SLC35F4: variants seen among roughly 807,000 people sequenced by gnomAD.
The protein encoded by SLC35F4 is chromosome 14 open reading frame 36.
SLC35F4 carries 24 observed loss-of-function variants against 44.2 expected under a neutral mutation model. The ratio of observed to expected loss-of-function variants is 0.54; its 90% CI spans 0.39 to 0.76. SLC35F4 has a LOEUF of 0.76. Ranked by LOEUF, SLC35F4 falls within the 30% of genes least tolerant of loss-of-function variation. SLC35F4 has a pLI of 0.00. For missense variants in SLC35F4, 562 were observed against 586.1 expected, an observed-to-expected ratio of 0.96 and a Z score of 0.42; for synonymous variants, 238 against 223.6, an observed-to-expected ratio of 1.06 and a Z score of -0.57.
chr14:57,568,273 C>T (rs1220083101), intron 6 of SLC35F4, among the ~76,000 whole-genome samples: 4 of 152,208 alleles, frequency 2.6e-5, no homozygotes, highest in Admixed American at 2.6e-4. Flanking sequence ...CGTCCAGCCT[C>T]TGCAGGCTTG....
rs756651398 is a variant in SLC35F4 at position 57,589,517 on chromosome 14, G to A, written c.290-4C>T. On this transcript the variant is annotated splice_region_variant and splice_polypyrimidine_tract_variant and intron_variant, in intron 2 of 7. Transcript: ENST00000556826. Reference sequence around the variant, plus strand: ...TGAGTCTGTGTCCCATCGTCTGCTGGAAACAGGAAAGGAATACAAATGTGA... The same window carrying A: ...TGAGTCTGTGTCCCATCGTCTGCTGAAAACAGGAAAGGAATACAAATGTGA... The A allele has an allele frequency of 1.3e-6, 2 of 1,596,236 alleles. No homozygotes were observed. Among genetic ancestry groups the A allele is most frequent in the Admixed American group, 3.5e-5 (2 of 57,168 alleles).
chr14:57,881,466 T>C (rs1237003129), intron 1 of SLC35F4, among the ~76,000 whole-genome samples: 1 of 152,180 alleles, frequency 6.6e-6, no homozygotes, highest in Admixed American at 6.5e-5. Flanking sequence ...ATAGTTGAAA[T>C]ATCTGTTGTG....
chr14:57,669,130 T>C (rs1448036059), intron 1 of SLC35F4, among the ~76,000 whole-genome samples: 1 of 152,114 alleles, frequency 6.6e-6, no homozygotes, highest in Non-Finnish European at 1.5e-5. Context: ...GGCTCTCTGT[T>C]TGTCTGTTAT....
At chr14:57,606,253 CTCTT>C (rs76244584) in intron 1 of SLC35F4, among the ~76,000 whole-genome samples, 106,856 of 151,778 alleles carry the variant, frequency 0.7, 38,434 homozygotes, top group Middle Eastern at 0.8. Context: ...GAATAAACAT[CTCTT>C]TCTTTTAGGT....
intron 1 of SLC35F4, among the ~76,000 whole-genome samples, chr14:57,875,395 C>T (rs1455040006): frequency 6.6e-6 from 1 of 152,204 alleles, no homozygotes; most frequent in Non-Finnish European, 1.5e-5. Flanking sequence ...TTACTGCATA[C>T]CAAACAACTC....
intron 1 of SLC35F4, among the ~76,000 whole-genome samples, chr14:57,766,934 T>G (rs2077248895): frequency 6.6e-6 from 1 of 152,170 alleles, no homozygotes; most frequent in Non-Finnish European, 1.5e-5. Context: ...AGAAATTCAC[T>G]TCGAATTCTA....
chr14:57,596,641 G>A (rs2070502125), intron 1 of SLC35F4: 1 of 558,620 alleles, frequency 1.8e-6, no homozygotes, highest in African/African-American at 1.9e-5. Context: ...AATAGGCTGG[G>A]TAGCAAGTTG....
chr14:57,733,791 T>C (rs962332322), intron 1 of SLC35F4, among the ~76,000 whole-genome samples: 1 of 151,978 alleles, frequency 6.6e-6, no homozygotes, highest in African/African-American at 2.4e-5. Context: ...AGGCATGTTA[T>C]AGCCTAGGAA....
chr14:57,858,112 G>C (rs1196169702), intron 1 of SLC35F4, among the ~76,000 whole-genome samples: 1 of 152,012 alleles, frequency 6.6e-6, no homozygotes, highest in Non-Finnish European at 1.5e-5. Flanking sequence ...CATTGTGGGA[G>C]ACAGTGTGGT....
chr14:57,710,942 A>G (rs1472223596), intron 1 of SLC35F4, among the ~76,000 whole-genome samples: 1 of 152,076 alleles, frequency 6.6e-6, no homozygotes, highest in African/African-American at 2.4e-5. Flanking sequence ...TGCTGGAATG[A>G]GTTAAGACTT....
intron 1 of SLC35F4, among the ~76,000 whole-genome samples, chr14:57,895,706 T>G (rs1888856970): frequency 6.6e-6 from 1 of 152,086 alleles, no homozygotes; most frequent in African/African-American, 2.4e-5. Flanking sequence ...CTCCCAGTCA[T>G]GCTTTCTGTT....
At chr14:57,929,377 G>C (rs1555402211) in intron 1 of SLC35F4, among the ~76,000 whole-genome samples, 1 of 151,750 alleles carries the variant, frequency 6.6e-6, no homozygotes, top group Non-Finnish European at 1.5e-5. Context: ...AAATGTTTGG[G>C]AAAACCCAAA....
At chr14:57,667,210 G>C (rs2074340417) in intron 1 of SLC35F4, among the ~76,000 whole-genome samples, 1 of 145,530 alleles carries the variant, frequency 6.9e-6, no homozygotes, top group South Asian at 2.4e-4. Flanking sequence ...GAGGGAAGGG[G>C]AGGGAGGGAA....
chr14:57,891,385 G>A (rs546208910), intron 1 of SLC35F4, among the ~76,000 whole-genome samples: 5 of 152,122 alleles, frequency 3.3e-5, no homozygotes, highest in Non-Finnish European at 7.4e-5. Flanking sequence ...GGGCTCAGTG[G>A]TGTGTGCCTG....
intron 1 of SLC35F4, among the ~76,000 whole-genome samples, chr14:57,929,444 G>C (rs866918311): frequency 6.6e-6 from 1 of 151,898 alleles, no homozygotes; most frequent in African/African-American, 2.4e-5. Context: ...CTTAGAGCGG[G>C]AGAGAACTTG....
At chr14:57,811,595 G>A (rs571585982) in intron 1 of SLC35F4, among the ~76,000 whole-genome samples, 23 of 152,266 alleles carry the variant, frequency 1.5e-4, no homozygotes, top group African/African-American at 5.1e-4. Flanking sequence ...AAAGAGAAAA[G>A]GAAGATGTGA....
chr14:57,870,891 G>C (rs1888285012), upstream of SLC35F4, among the ~76,000 whole-genome samples: 1 of 152,196 alleles, frequency 6.6e-6, no homozygotes, highest in Non-Finnish European at 1.5e-5. Context: ...CAGACCTTGT[G>C]TGCCAATGGA....
intron 1 of SLC35F4, among the ~76,000 whole-genome samples, chr14:57,934,430 T>A (rs578199897): frequency 6.6e-6 from 1 of 151,040 alleles, no homozygotes; most frequent in Non-Finnish European, 1.5e-5. Flanking sequence ...AAGCAAGCAG[T>A]ATGCATGTTA....
chr14:57,875,014 T>C (rs1366125711), intron 1 of SLC35F4, among the ~76,000 whole-genome samples: 1 of 143,136 alleles, frequency 7.0e-6, no homozygotes, highest in African/African-American at 2.9e-5. Context: ...TTTCATGGTG[T>C]CTTTAGATAA....
Sources: gnomAD v4.1 joint callset for allele counts (sites outside exome capture counted in the v4.1 genomes callset) on GRCh38, gnomAD v4.1.1 for gene constraint, MANE v1.5 for transcripts, NCBI Gene and HGNC (gene_info 2026-07-23, HGNC 2026-07-21) for gene names.